Variants in EIF4G3 observed in about 807,000 individuals in gnomAD.
EIF4G3 encodes the protein eukaryotic translation initiation factor 4 gamma 3.
EIF4G3 carries 34 observed loss-of-function variants against 186.4 expected under a neutral mutation model. That is an observed-to-expected ratio of 0.18 (90% CI 0.14 to 0.24). The LOEUF (loss-of-function observed/expected upper bound fraction) is 0.24, where lower values mean the gene tolerates loss of function less well. Ranked by LOEUF, EIF4G3 falls within the 10% of genes least tolerant of loss-of-function variation. EIF4G3 has a pLI of 1.00. For missense variants in EIF4G3, 1,536 were observed against 1,948.5 expected (o/e 0.79, Z 3.99); for synonymous variants, 673 against 679.5 (o/e 0.99, Z 0.15).
At chr1:20,862,484 C>T (rs1419697139) in intron 22 of EIF4G3, 152 bp from the exon 23 acceptor site, 7 of 537,988 alleles carry the variant, frequency 1.3e-5, no homozygotes, top group East Asian at 6.6e-5. Flanking sequence ...AGCACAATCA[C>T]GGCTCACTGC....
chr1:21,090,232 T>A (rs1308684290), intron 2 of EIF4G3, among the ~76,000 whole-genome samples: 1 of 152,210 alleles, frequency 6.6e-6, no homozygotes, highest in Non-Finnish European at 1.5e-5. Flanking sequence ...GTAAAAAATT[T>A]CGAATTCTCC....
At chr1:20,931,373 G>A (rs1180111297) in intron 14 of EIF4G3, among the ~76,000 whole-genome samples, 1 of 152,166 alleles carries the variant, frequency 6.6e-6, no homozygotes, top group East Asian at 1.9e-4. Flanking sequence ...TGGGCAGTAG[G>A]TCTCTACAGT....
chr1:21,089,332 T>C (rs140479730), intron 2 of EIF4G3, 119 bp from the exon 3 acceptor site: 3 of 623,302 alleles, frequency 4.8e-6, no homozygotes, highest in African/African-American at 3.7e-5. Flanking sequence ...GTGAGTTATA[T>C]ACTTCTCCAC....
rs146631489 is a variant in EIF4G3 at position 20,813,302 on chromosome 1, G to A, written c.4516-63C>T. 1.5e-5 allele frequency: 19 copies of A among 1,234,860 alleles called. No homozygotes were observed. The African/African-American group carries it at 2.4e-4, about 16-fold the overall frequency. The allele number at this position is 1,234,860 out of a possible 1,614,324, so 76.5% of individuals were successfully genotyped here. A position where few individuals can be genotyped will look rare whatever the true frequency, so the allele number is the denominator to read the frequency against. ...TGCTCAGCCAGGCACAGAGGCTCAT[G>A]CCTGTAATCCCAACACTTTGGGAGG... On this transcript the variant is annotated intron_variant, in intron 34 of 36. Transcript: ENST00000602326.
intron 2 of EIF4G3, among the ~76,000 whole-genome samples, chr1:21,142,379 T>C (rs1034927554): frequency 6.6e-6 from 1 of 150,788 alleles, no homozygotes; most frequent in Non-Finnish European, 1.5e-5. Flanking sequence ...GTGCACCATG[T>C]GCCTGCAGTC....
chr1:20,830,532 C>T (rs556141566), intron 30 of EIF4G3, among the ~76,000 whole-genome samples: 14 of 152,300 alleles, frequency 9.2e-5, no homozygotes, highest in African/African-American at 3.4e-4. Flanking sequence ...TAGCTGGACT[C>T]CAGGATTTCT....
intron 13 of EIF4G3, among the ~76,000 whole-genome samples, chr1:20,946,938 A>G (rs1429204369): frequency 1.3e-5 from 2 of 152,196 alleles, no homozygotes; most frequent in East Asian, 3.8e-4. Flanking sequence ...TTGAGAAAGA[A>G]AAAAACAATC....
At chr1:21,115,607 T>C (rs1179532508) in intron 2 of EIF4G3, among the ~76,000 whole-genome samples, 4 of 152,192 alleles carry the variant, frequency 2.6e-5, no homozygotes, top group Non-Finnish European at 5.9e-5. Context: ...AGATTGTTTC[T>C]TCACCTGCAA....
chr1:20,816,853 T>A (rs2061120800), intron 34 of EIF4G3, among the ~76,000 whole-genome samples: 1 of 101,136 alleles, frequency 9.9e-6, no homozygotes, highest in South Asian at 3.5e-4. Flanking sequence ...CGGGTCTGTG[T>A]AGAAAGAAGT....
intron 18 of EIF4G3, chr1:20,892,702 A>G (rs1486208469): frequency 6.5e-7 from 1 of 1,536,062 alleles, no homozygotes; most frequent in South Asian, 1.2e-5. Context: ...AGAATTGGCA[A>G]TCCATGCCTG....
At chr1:21,137,552 T>C (rs1163483194) in intron 2 of EIF4G3, among the ~76,000 whole-genome samples, 1 of 152,188 alleles carries the variant, frequency 6.6e-6, no homozygotes, top group African/African-American at 2.4e-5. Flanking sequence ...CTCATGCCTG[T>C]AATCCCAACA....
At chr1:21,164,205 T>A (rs1359446709) in intron 2 of EIF4G3, among the ~76,000 whole-genome samples, 2 of 152,180 alleles carry the variant, frequency 1.3e-5, no homozygotes, top group African/African-American at 2.4e-5. Context: ...AATTTGTAAC[T>A]CATAATTTCA....
intron 4 of EIF4G3, among the ~76,000 whole-genome samples, chr1:21,037,186 G>C (rs1415300433): frequency 6.6e-6 from 1 of 150,736 alleles, no homozygotes; most frequent in African/African-American, 2.4e-5. Flanking sequence ...AGCTTGTACT[G>C]GTAAACTTTT....
chr1:20,853,920 G>A (rs1349545556), intron 26 of EIF4G3, among the ~76,000 whole-genome samples: 2 of 152,062 alleles, frequency 1.3e-5, no homozygotes, highest in African/African-American at 4.8e-5. Context: ...TAGTAAACAG[G>A]GGTGGGAGTG....
chr1:21,000,664 GA>G (rs2083305111), intron 6 of EIF4G3, among the ~76,000 whole-genome samples: 1 of 150,844 alleles, frequency 6.6e-6, no homozygotes, highest in African/African-American at 2.4e-5. Flanking sequence ...CCTAAAACAA[GA>G]AGCAAGAGTA....
intron 2 of EIF4G3, among the ~76,000 whole-genome samples, chr1:21,166,843 G>C (rs1334534243): frequency 6.6e-6 from 1 of 152,046 alleles, no homozygotes; most frequent in South Asian, 2.1e-4. Context: ...GTGCAGCAGT[G>C]CAATCATGGC....
intron 3 of EIF4G3, among the ~76,000 whole-genome samples, chr1:21,069,799 C>G (rs926104405): frequency 6.6e-6 from 1 of 152,126 alleles, no homozygotes; most frequent in Non-Finnish European, 1.5e-5. Context: ...GCAGCAGCAG[C>G]ATCTGGATTT....
chr1:20,995,515 G>C (rs1163445349), intron 7 of EIF4G3, among the ~76,000 whole-genome samples: 1 of 152,196 alleles, frequency 6.6e-6, no homozygotes, highest in East Asian at 1.9e-4. Context: ...GGGATTACAG[G>C]TGCCCACCAC....
rs185443366 is a variant in EIF4G3, at chr1:21,163,244, T to C, written c.-272+12931A>G. ...TTACCTAAAATGTACCACATTTAAA[T>C]ACACTCACTCAGTCACACAATATAA... is the stretch of plus-strand genomic sequence containing the variant. On this transcript the variant is annotated intron_variant, in intron 2 of 36. Transcript: ENST00000602326. 1.2e-4 allele frequency among the ~76,000 whole-genome samples: 19 copies of C among 152,326 alleles called. No homozygotes were observed. In the East Asian group the frequency reaches 2.9e-3, roughly 23 times the overall value.
Sources: allele counts gnomAD v4.1 joint callset (sites outside exome capture counted in the v4.1 genomes callset), GRCh38; gene constraint gnomAD v4.1.1; transcripts MANE v1.5; gene names NCBI Gene and HGNC (gene_info 2026-07-23, HGNC 2026-07-21).